MMP16: variants seen among roughly 807,000 people sequenced by gnomAD.
MMP16 encodes the protein matrix metallopeptidase 16.
A neutral mutation model predicts 67.8 loss-of-function variants in MMP16; 12 were observed. That is an observed-to-expected ratio of 0.18 (90% CI 0.11 to 0.29). The LOEUF is 0.29. MMP16 is among the 10% of genes least tolerant of loss of function. The pLI is 1.00. For synonymous variants in MMP16, 249 were observed against 255.9 expected (o/e 0.97, Z 0.26); for missense variants, 475 against 765.7 (o/e 0.62, Z 4.48).
chr8:88,071,262 A>G (rs1808548708), intron 7 of MMP16, among the ~76,000 whole-genome samples: 1 of 152,150 alleles, frequency 6.6e-6, no homozygotes, highest in Non-Finnish European at 1.5e-5. Context: ...GTTATACTTT[A>G]TAACTAAACA....
At chr8:88,093,964 C>T (rs1808982856) in intron 6 of MMP16, among the ~76,000 whole-genome samples, 1 of 151,834 alleles carries the variant, frequency 6.6e-6, no homozygotes, top group South Asian at 2.1e-4. Flanking sequence ...ATTGGCCCAA[C>T]ACCCACATTG....
intron 1 of MMP16, among the ~76,000 whole-genome samples, chr8:88,210,264 T>C (rs1809492979): frequency 6.6e-6 from 1 of 152,226 alleles, no homozygotes; most frequent in African/African-American, 2.4e-5. Flanking sequence ...GCACTCAGTT[T>C]ATGTCTATTG....
Position 88,194,412 on chromosome 8 carries a change from C to T in MMP16, c.281+2746G>A, listed in dbSNP as rs1281666996. Among the ~76,000 whole-genome samples, 27 of 151,642 alleles carry T rather than the reference C, an allele frequency of 1.8e-4. 1 individual carries two copies. Among genetic ancestry groups the T allele is most frequent in the Admixed American group, 1.7e-3 (26 of 15,192 alleles). On this transcript the variant is annotated intron_variant, in intron 2 of 9. Transcript: ENST00000286614. ...AAAAATTCATACCTTATAATTTGAC[C>T]GTAATATAACAGAGTGTGATTTCAG...
chr8:88,184,563 GAAAAAA>G (rs59310737), intron 3 of MMP16, among the ~76,000 whole-genome samples: 6 of 10,936 alleles, frequency 5.5e-4, no homozygotes, highest in Non-Finnish European at 7.9e-4. Flanking sequence ...CTCTCTCTCT[GAAAAAA>G]AAAAAAAAAA....
chr8:88,292,882 A>G (rs28986490), intron 1 of MMP16, among the ~76,000 whole-genome samples: 15,440 of 152,236 alleles, frequency 0.1, 941 homozygotes, highest in South Asian at 0.17. Context: ...TTTAACATAC[A>G]GTGACAATAG....
chr8:88,175,776 G>C (rs1808878751), intron 3 of MMP16, among the ~76,000 whole-genome samples: 4 of 152,146 alleles, frequency 2.6e-5, no homozygotes, highest in Admixed American at 2.6e-4. Context: ...TCCTGGGAGG[G>C]ACTCCGTGGG....
chr8:88,079,336 G>GTATATTGTAATTGTTGTAATTACAT (rs1425138940), intron 6 of MMP16, among the ~76,000 whole-genome samples: 7 of 152,100 alleles, frequency 4.6e-5, no homozygotes, highest in Non-Finnish European at 8.8e-5. Flanking sequence ...TTTTATCACA[G>GTATATTGTAATTGTTGTAATTACAT]TATATTGTTG....
At chr8:88,104,116 T>C (rs1809194416) in intron 6 of MMP16, among the ~76,000 whole-genome samples, 1 of 151,762 alleles carries the variant, frequency 6.6e-6, no homozygotes, top group South Asian at 2.1e-4. Flanking sequence ...TTATAAAGCT[T>C]CTTTTATATC....
chr8:88,241,601 A>G (rs555435677), intron 1 of MMP16, among the ~76,000 whole-genome samples: 4 of 152,246 alleles, frequency 2.6e-5, no homozygotes, highest in African/African-American at 9.6e-5. Flanking sequence ...TGATATATTT[A>G]TGGTATATAA....
At chr8:88,244,086 C>G (rs1810074154) in intron 1 of MMP16, among the ~76,000 whole-genome samples, 1 of 151,314 alleles carries the variant, frequency 6.6e-6, no homozygotes, top group South Asian at 2.1e-4. Context: ...TAGAATTAAG[C>G]TGACGTGTTT....
intron 6 of MMP16, among the ~76,000 whole-genome samples, chr8:88,112,675 G>GTGTGTGTGTGTGTGTGTC (rs774333204): frequency 0.075 from 11,172 of 148,650 alleles, 486 homozygotes; most frequent in East Asian, 0.18. Flanking sequence ...GGGTGTGTGT[G>GTGTGTGTGTGTGTGTGTC]TGTGTGTGTC....
intron 7 of MMP16, among the ~76,000 whole-genome samples, chr8:88,065,243 T>C (rs1050307282): frequency 1.1e-4 from 16 of 152,228 alleles, no homozygotes; most frequent in African/African-American, 3.8e-4. Context: ...TGGGGAACTC[T>C]ACAGGGCACA....
At chr8:88,303,715 G>A (rs952912123) in intron 1 of MMP16, among the ~76,000 whole-genome samples, 2 of 152,192 alleles carry the variant, frequency 1.3e-5, no homozygotes, top group Non-Finnish European at 2.9e-5. Context: ...GCAAACTGCA[G>A]CAGCGCTACA....
rs565241274 is a variant in MMP16 at position 88,058,886 on chromosome 8, T to C, written c.1223-2608A>G. Among the ~76,000 whole-genome samples, 36 of 151,780 alleles carry C rather than the reference T, an allele frequency of 2.4e-4. No homozygotes were observed. Among genetic ancestry groups the C allele is most frequent in the Non-Finnish European group, 4.3e-4 (29 of 67,884 alleles). ...TGGACCAACACAGCAGAAATAGAGA[T>C]GGAAAGGATAAAATAAAGTCAGGAC... On this transcript the variant is annotated intron_variant, in intron 7 of 9. Transcript: ENST00000286614. The surrounding 1 kb of genome is among the most constrained non-coding windows in gnomAD (Gnocchi z 4.2).
At chr8:88,324,304 CA>C (rs1229265616) in intron 1 of MMP16, among the ~76,000 whole-genome samples, 1 of 152,032 alleles carries the variant, frequency 6.6e-6, no homozygotes, top group African/African-American at 2.4e-5. Context: ...TTGACAACTC[CA>C]AATATTTATA....
At chr8:88,138,016 A>G (rs891007517) in intron 4 of MMP16, among the ~76,000 whole-genome samples, 1 of 152,020 alleles carries the variant, frequency 6.6e-6, no homozygotes, top group African/African-American at 2.4e-5. Flanking sequence ...GCAACCTCAA[A>G]TCTACTTTTT....
At chr8:88,260,385 G>T (rs955047393) in intron 1 of MMP16, among the ~76,000 whole-genome samples, 1 of 151,848 alleles carries the variant, frequency 6.6e-6, no homozygotes, top group African/African-American at 2.4e-5. Context: ...TGCTACTTAA[G>T]ACTTCAAATT....
At chr8:88,182,727 A>T (rs1266143863) in intron 3 of MMP16, among the ~76,000 whole-genome samples, 4 of 152,148 alleles carry the variant, frequency 2.6e-5, no homozygotes, top group Non-Finnish European at 5.9e-5. Flanking sequence ...AATGAGTTAA[A>T]AATTTATGCC....
chr8:88,081,926 TA>T (rs2118311052), intron 6 of MMP16, among the ~76,000 whole-genome samples: 1 of 152,212 alleles, frequency 6.6e-6, no homozygotes, highest in South Asian at 2.1e-4. Flanking sequence ...AACCATATTA[TA>T]TAAAAACATT....
Sources: gnomAD v4.1 joint callset for allele counts (sites outside exome capture counted in the v4.1 genomes callset) on GRCh38, gnomAD v4.1.1 for gene constraint, Gnocchi (gnomAD v3.1) non-coding constraint, MANE v1.5 for transcripts, NCBI Gene and HGNC (gene_info 2026-07-23, HGNC 2026-07-21) for gene names.